The following CDH9 variants were observed in gnomAD, a reference collection of about 807,000 sequenced individuals.
The protein encoded by CDH9 is cadherin 9.
CDH9 carries 28 observed loss-of-function variants against 70.9 expected under a neutral mutation model. The observed-to-expected ratio is 0.40, with a 90% CI of 0.29 to 0.54. The LOEUF (loss-of-function observed/expected upper bound fraction) is 0.54, where lower values mean the gene tolerates loss of function less well. Ranked by LOEUF, CDH9 falls within the 20% of genes least tolerant of loss-of-function variation. The pLI, the probability that CDH9 is intolerant of heterozygous loss-of-function variation, is 0.59. For synonymous variants in CDH9, 409 were observed against 343.1 expected, an observed-to-expected ratio of 1.19 and a Z score of -2.12; for missense variants, 874 against 984.4, an observed-to-expected ratio of 0.89 and a Z score of 1.50.
At chr5:26,957,884 T>C (rs890936711) in intron 2 of CDH9, among the ~76,000 whole-genome samples, 2 of 152,180 alleles carry the variant, frequency 1.3e-5, no homozygotes, top group South Asian at 2.1e-4. Flanking sequence ...TATTTAAATA[T>C]TATCTCAATG....
At chr5:27,032,817 G>A (rs1042362538) in intron 1 of CDH9, among the ~76,000 whole-genome samples, 7 of 150,526 alleles carry the variant, frequency 4.7e-5, no homozygotes, top group Non-Finnish European at 7.4e-5. Flanking sequence ...ATTGACTCTC[G>A]GGGAAAATAG....
At chr5:26,935,841 T>TATGGAACC in intron 2 of CDH9, among the ~76,000 whole-genome samples, 1 of 152,262 alleles carries the variant, frequency 6.6e-6, no homozygotes, top group Non-Finnish European at 1.5e-5. Context: ...ATTGCAAAAC[T>TATGGAACC]ATGGAACCAA....
At position 26,890,627 on chromosome 5, in the gene CDH9, T is replaced by G. The variant is rs762981423; in HGVS notation, c.1254-63A>C. Reference sequence around the variant, plus strand: ...TAAGGTTATTAGTTCTACTCTTTCTTAAAGCTATAGGTAATTTCCACAATG... The same window carrying G: ...TAAGGTTATTAGTTCTACTCTTTCTGAAAGCTATAGGTAATTTCCACAATG... On this transcript the variant is annotated intron_variant, in intron 7 of 11. Transcript: ENST00000231021. The G allele has an allele frequency of 1.9e-5, 22 of 1,174,844 alleles. No individual in the cohort carries two copies. The African/African-American group carries it at 3.2e-4, about 17-fold the overall frequency. The allele number at this position is 1,174,844 out of a possible 1,614,324, so 72.8% of individuals were successfully genotyped here.
intron 9 of CDH9, among the ~76,000 whole-genome samples, chr5:26,887,683 G>A (rs565057426): frequency 1.4e-4 from 22 of 152,174 alleles, no homozygotes; most frequent in African/African-American, 4.3e-4. Flanking sequence ...GATATAGGCC[G>A]TTTGCAGATA....
intron 2 of CDH9, among the ~76,000 whole-genome samples, chr5:26,967,213 C>G (rs1238140363): frequency 6.6e-6 from 1 of 152,114 alleles, no homozygotes; most frequent in African/African-American, 2.4e-5. Flanking sequence ...CTATACCTCC[C>G]GAAATGCTGG....
chr5:26,985,062 T>G (rs563895573), intron 2 of CDH9, among the ~76,000 whole-genome samples: 1 of 152,250 alleles, frequency 6.6e-6, no homozygotes, highest in African/African-American at 2.4e-5. Flanking sequence ...CATAACTGAT[T>G]TGTACAAAGG....
intron 2 of CDH9, among the ~76,000 whole-genome samples, chr5:26,973,169 T>C (rs1044211707): frequency 6.6e-6 from 1 of 152,086 alleles, no homozygotes; most frequent in Non-Finnish European, 1.5e-5. Context: ...GTCTTAAACT[T>C]AGATTTTTAT....
At chr5:26,956,653 C>A (rs1741951820) in intron 2 of CDH9, among the ~76,000 whole-genome samples, 1 of 152,016 alleles carries the variant, frequency 6.6e-6, no homozygotes, top group Non-Finnish European at 1.5e-5. Context: ...CTCCACAGAC[C>A]CCACAGGCTT....
At chr5:26,941,981 C>T (rs747110595) in intron 2 of CDH9, among the ~76,000 whole-genome samples, 4 of 152,106 alleles carry the variant, frequency 2.6e-5, no homozygotes, top group Non-Finnish European at 5.9e-5. Flanking sequence ...GCTAGGATCT[C>T]TCTTCTTGTA....
intron 3 of CDH9, among the ~76,000 whole-genome samples, chr5:26,911,604 G>A (rs1333108065): frequency 6.6e-6 from 1 of 151,870 alleles, no homozygotes; most frequent in Admixed American, 6.6e-5. Flanking sequence ...AATTTGCCTA[G>A]GTGAAGACGA....
intron 7 of CDH9, among the ~76,000 whole-genome samples, chr5:26,898,864 T>C (rs1740800115): frequency 6.6e-6 from 1 of 152,148 alleles, no homozygotes; most frequent in Admixed American, 6.6e-5. Context: ...CAAAAGAAAC[T>C]AGCATCAGAG....
chr5:26,922,918 G>T (rs1319939936), intron 2 of CDH9, among the ~76,000 whole-genome samples: 1 of 151,418 alleles, frequency 6.6e-6, no homozygotes, highest in Non-Finnish European at 1.5e-5. Flanking sequence ...CAGTTAGTGT[G>T]GAGTGGATAA....
intron 7 of CDH9, among the ~76,000 whole-genome samples, chr5:26,901,759 C>A (rs1025594477): frequency 6.6e-6 from 1 of 151,674 alleles, no homozygotes; most frequent in African/African-American, 2.4e-5. Context: ...CCCCTTTGAA[C>A]AATATATGAG....
chr5:26,992,502 A>T (rs1280374049), intron 1 of CDH9, among the ~76,000 whole-genome samples: 1 of 152,130 alleles, frequency 6.6e-6, no homozygotes, highest in Non-Finnish European at 1.5e-5. Context: ...TTGATGTTAG[A>T]CTTCCCAGGC....
chr5:26,942,873 T>A lies in CDH9; in HGVS notation c.229-26949A>T, dbSNP rs930361083. Among the ~76,000 whole-genome samples the A allele has an allele frequency of 2.0e-5, 3 of 152,178 alleles. No homozygotes were observed. In the East Asian group the frequency reaches 5.8e-4, roughly 29 times the overall value. On this transcript the variant is annotated intron_variant, in intron 2 of 11. Coordinates refer to ENST00000231021, the MANE Select transcript of CDH9 (RefSeq NM_016279.4). Reference sequence around the variant, plus strand: ...TTGATGTTTCAAAATCTGACCAAGATTTTGACTTTTGTTTCTGTTTTGTTT... The same window carrying A: ...TTGATGTTTCAAAATCTGACCAAGAATTTGACTTTTGTTTCTGTTTTGTTT...
intron 2 of CDH9, among the ~76,000 whole-genome samples, chr5:26,969,930 A>G (rs1158326764): frequency 1.4e-5 from 2 of 146,000 alleles, no homozygotes; most frequent in African/African-American, 5.1e-5. Context: ...ATATATATAT[A>G]TATATAATAT....
chr5:26,927,796 T>C (rs1741370053), intron 2 of CDH9, among the ~76,000 whole-genome samples: 1 of 152,044 alleles, frequency 6.6e-6, no homozygotes, highest in Non-Finnish European at 1.5e-5. Flanking sequence ...TAATAAAGCA[T>C]GATTTAAATT....
At chr5:26,994,794 C>A (rs1294513179) in intron 1 of CDH9, among the ~76,000 whole-genome samples, 1 of 152,104 alleles carries the variant, frequency 6.6e-6, no homozygotes, top group Non-Finnish European at 1.5e-5. Flanking sequence ...TCCATATGTG[C>A]CAACTTGAAG....
chr5:26,920,701 C>T (rs1369556500), intron 2 of CDH9, among the ~76,000 whole-genome samples: 1 of 152,102 alleles, frequency 6.6e-6, no homozygotes, highest in Non-Finnish European at 1.5e-5. Context: ...GAGTCTTTGC[C>T]TGGTAATGCA....
Sources: gnomAD v4.1 joint callset for allele counts (sites outside exome capture counted in the v4.1 genomes callset) on GRCh38, gnomAD v4.1.1 for gene constraint, MANE v1.5 for transcripts, NCBI Gene and HGNC (gene_info 2026-07-23, HGNC 2026-07-21) for gene names.